The following EPHA6 variants were observed in gnomAD, a reference collection of about 807,000 sequenced individuals.
EPHA6 encodes ephrin type-A receptor 6.
EPHA6 carries 50 observed loss-of-function variants against 112.0 expected under a neutral mutation model. That is an observed-to-expected ratio of 0.45 (90% CI 0.36 to 0.56). EPHA6 has a LOEUF of 0.56. Ranked by LOEUF, EPHA6 falls within the 20% of genes least tolerant of loss-of-function variation. The probability of loss-of-function intolerance (pLI) is 0.00; values close to 1 mark genes in which losing one functional copy is unlikely to be tolerated. For synonymous variants in EPHA6, 529 were observed against 490.7 expected (o/e 1.08, Z -1.03); for missense variants, 1,280 against 1,417.4 (o/e 0.90, Z 1.56).
At chr3:97,745,732 G>A (rs115836100) in intron 16 of EPHA6, among the ~76,000 whole-genome samples, 2,763 of 151,878 alleles carry the variant, frequency 0.018, 47 homozygotes, top group African/African-American at 0.041. Flanking sequence ...GGCCTTCCAA[G>A]GGCACCTTTC....
intron 3 of EPHA6, among the ~76,000 whole-genome samples, chr3:97,185,447 C>CAA (rs2077100513): frequency 6.6e-6 from 1 of 152,004 alleles, no homozygotes; most frequent in East Asian, 1.9e-4. Context: ...TTTATGCAGC[C>CAA]AACAGATGCA....
At chr3:97,327,989 G>A (rs1326956524) in intron 5 of EPHA6, among the ~76,000 whole-genome samples, 93 of 110,950 alleles carry the variant, frequency 8.4e-4, no homozygotes, top group African/African-American at 5.5e-3. Context: ...GCATATATAT[G>A]TATATGTGTA....
intron 5 of EPHA6, among the ~76,000 whole-genome samples, chr3:97,266,761 G>A (rs1020587097): frequency 3.3e-5 from 5 of 152,022 alleles, no homozygotes; most frequent in Admixed American, 3.3e-4. Context: ...TAAACCTCTG[G>A]AAAACTAGTA....
intron 6 of EPHA6, among the ~76,000 whole-genome samples, chr3:97,420,637 T>C (rs553471906): frequency 1.3e-5 from 2 of 152,120 alleles, no homozygotes; most frequent in Non-Finnish European, 2.9e-5. Context: ...GAACCCATCA[T>C]TTCAAACATA....
intron 5 of EPHA6, among the ~76,000 whole-genome samples, chr3:97,341,979 C>G (rs1201982881): frequency 6.6e-6 from 1 of 152,104 alleles, no homozygotes; most frequent in Non-Finnish European, 1.5e-5. Flanking sequence ...ATAGAAGGCA[C>G]ATTTTGGATC....
chr3:96,814,782 G>T lies in EPHA6; in HGVS notation c.159G>T (p.Arg53=). Residue 53 remains arginine (R), a synonymous_variant, in exon 1 of 18, where the codon CGG becomes CGT. Transcript: ENST00000389672. ...RGRPGTPPAG[R]VEEEEEEEEE... Reference sequence around the variant, plus strand: ...GCCCCGGGACACCCCCTGCGGGCCGGGTGGAGGAGGAAGAGGAGGAGGAGG... The same window carrying T: ...GCCCCGGGACACCCCCTGCGGGCCGTGTGGAGGAGGAAGAGGAGGAGGAGG... 1 of 1,603,836 alleles carries T rather than the reference G, an allele frequency of 6.2e-7. No individual in the cohort carries two copies. Among genetic ancestry groups the T allele is most frequent in the East Asian group, 2.3e-5 (1 of 44,430 alleles).
chr3:96,865,462 A>G (rs1203473866), intron 1 of EPHA6, among the ~76,000 whole-genome samples: 1 of 151,968 alleles, frequency 6.6e-6, no homozygotes, highest in Non-Finnish European at 1.5e-5. Flanking sequence ...TGGGAGGGTC[A>G]CTTGAGGCCA....
intron 5 of EPHA6, among the ~76,000 whole-genome samples, chr3:97,284,725 T>C (rs1221959151): frequency 6.6e-6 from 1 of 152,146 alleles, no homozygotes; most frequent in Non-Finnish European, 1.5e-5. Context: ...TAATAATGAT[T>C]CATGACAGTT....
chr3:97,277,182 G>A (rs1037692482), intron 5 of EPHA6, among the ~76,000 whole-genome samples: 2 of 152,184 alleles, frequency 1.3e-5, no homozygotes, highest in Non-Finnish European at 2.9e-5. Context: ...TGAGCAACAA[G>A]GCTATTTATT....
intron 1 of EPHA6, among the ~76,000 whole-genome samples, chr3:96,820,603 A>G (rs550052889): frequency 3.5e-4 from 53 of 152,248 alleles, no homozygotes; most frequent in African/African-American, 1.0e-3. Context: ...TGCAAGGGAT[A>G]AGGAAGATGG....
At chr3:97,346,050 C>G (rs556612033) in intron 5 of EPHA6, among the ~76,000 whole-genome samples, 1 of 152,194 alleles carries the variant, frequency 6.6e-6, no homozygotes, top group South Asian at 2.1e-4. Context: ...AAAATCTATA[C>G]TGCATTGGTG....
intron 2 of EPHA6, among the ~76,000 whole-genome samples, chr3:96,901,261 GA>G (rs141689143): frequency 6.6e-6 from 1 of 151,440 alleles, no homozygotes; most frequent in South Asian, 2.1e-4. Flanking sequence ...ATGGATAAAT[GA>G]AAAAAAATCT....
intron 5 of EPHA6, among the ~76,000 whole-genome samples, chr3:97,288,763 G>A (rs1016121107): frequency 1.3e-5 from 2 of 150,696 alleles, no homozygotes; most frequent in African/African-American, 4.9e-5. Context: ...TTTTATAATG[G>A]CCATTCTGAC....
intron 3 of EPHA6, among the ~76,000 whole-genome samples, chr3:97,063,184 G>A (rs2046076059): frequency 6.6e-6 from 1 of 151,998 alleles, no homozygotes; most frequent in Non-Finnish European, 1.5e-5. Context: ...ATTTGACTCA[G>A]CAATCCCATT....
At chr3:97,042,770 G>T (rs1055885885) in intron 3 of EPHA6, among the ~76,000 whole-genome samples, 3 of 152,042 alleles carry the variant, frequency 2.0e-5, no homozygotes, top group African/African-American at 7.2e-5. Flanking sequence ...CATACACTTA[G>T]CTCCATCCAT....
chr3:97,629,090 T>G (rs1430790382), intron 13 of EPHA6, among the ~76,000 whole-genome samples: 2 of 151,828 alleles, frequency 1.3e-5, no homozygotes, highest in Non-Finnish European at 2.9e-5. Flanking sequence ...ACCACCGCGC[T>G]AGCTAATTTT....
intron 5 of EPHA6, among the ~76,000 whole-genome samples, chr3:97,310,548 T>C (rs999955893): frequency 7.5e-6 from 1 of 133,372 alleles, no homozygotes. Context: ...AAAAATATGA[T>C]TATAGGCAAA....
chr3:97,228,311 A>T (rs905899615), intron 4 of EPHA6, among the ~76,000 whole-genome samples: 1 of 151,998 alleles, frequency 6.6e-6, no homozygotes, highest in African/African-American at 2.4e-5. Context: ...TTTATCACTC[A>T]CTACCCTCCC....
chr3:97,525,493 C>CT (rs1252201132), intron 10 of EPHA6, among the ~76,000 whole-genome samples: 89 of 152,192 alleles, frequency 5.8e-4, no homozygotes, highest in African/African-American at 2.0e-3. Context: ...TTGTACATCT[C>CT]TTTTTTGGTG....
Sources: allele counts gnomAD v4.1 joint callset (sites outside exome capture counted in the v4.1 genomes callset), GRCh38; gene constraint gnomAD v4.1.1; transcripts MANE v1.5; gene names NCBI Gene and HGNC (gene_info 2026-07-23, HGNC 2026-07-21).